The following IPPK variants were observed in gnomAD, a reference collection of about 807,000 sequenced individuals.
The protein encoded by IPPK is IPK1 homolog.
Under a neutral mutation model 64.6 loss-of-function variants are expected in IPPK, and 22 were observed. The ratio of observed to expected loss-of-function variants is 0.34; its 90% confidence interval spans 0.24 to 0.49. IPPK has a LOEUF of 0.49. Among genes scored for constraint, IPPK ranks in the 20% least tolerant of loss-of-function variants. IPPK has a pLI of 0.99. For synonymous variants in IPPK, 262 were observed against 247.2 expected (o/e 1.06, Z -0.56); for missense variants, 532 against 630.7 (o/e 0.84, Z 1.68).
intron 4 of IPPK, 125 bp from the exon 5 acceptor site, chr9:92,649,699 A>G (rs980916842): frequency 3.1e-5 from 35 of 1,136,524 alleles, no homozygotes; most frequent in African/African-American, 4.6e-5. Context: ...TGAAAACCTC[A>G]TGTCTCCCTG....
At chr9:92,651,903 T>C (rs1564038130) in intron 4 of IPPK, among the ~76,000 whole-genome samples, 1 of 151,952 alleles carries the variant, frequency 6.6e-6, no homozygotes, top group Non-Finnish European at 1.5e-5. Flanking sequence ...TATATATATT[T>C]TGTTTGTTTG....
intron 7 of IPPK, among the ~76,000 whole-genome samples, chr9:92,641,567 C>G (rs903491937): frequency 2.0e-5 from 3 of 152,248 alleles, no homozygotes; most frequent in Non-Finnish European, 4.4e-5. Flanking sequence ...ACATGGGACC[C>G]ACAGGTGAGG....
At chr9:92,632,656 C>T (rs1587625829) in intron 11 of IPPK, among the ~76,000 whole-genome samples, 1 of 152,222 alleles carries the variant, frequency 6.6e-6, no homozygotes, top group Non-Finnish European at 1.5e-5. Flanking sequence ...CTTCTCACCC[C>T]AGGGCTCCAC....
intron 6 of IPPK, among the ~76,000 whole-genome samples, chr9:92,644,986 A>G (rs1852123144): frequency 6.6e-6 from 1 of 152,240 alleles, no homozygotes; most frequent in South Asian, 2.1e-4. Flanking sequence ...TATTTTAAAT[A>G]TGCTTAGAGC....
intron 3 of IPPK, among the ~76,000 whole-genome samples, chr9:92,655,768 C>G (rs1386935606): frequency 6.6e-6 from 1 of 152,322 alleles, no homozygotes; most frequent in Admixed American, 6.5e-5. Context: ...ATCTTCCTAA[C>G]AGGGGAACTG....
At chr9:92,648,213 T>C (rs1393987010) in intron 5 of IPPK, 65 bp from the exon 6 acceptor site, 1 of 1,155,178 alleles carries the variant, frequency 8.7e-7, no homozygotes, top group African/African-American at 1.5e-5. Context: ...TAAATAGACA[T>C]ATCACTGACT....
chr9:92,669,457 A>G (rs991880068), intron 1 of IPPK, among the ~76,000 whole-genome samples: 2 of 152,222 alleles, frequency 1.3e-5, no homozygotes, highest in African/African-American at 4.8e-5. Context: ...TGAGAGTAAC[A>G]GCACTGTGGG....
In IPPK at chr9:92,642,901, G is replaced by A; in HGVS notation, c.505-91C>T. The A allele has an allele frequency of 2.9e-6, 3 of 1,019,154 alleles. No homozygotes were observed. The East Asian group carries it at 7.1e-5, about 24-fold the overall frequency. 63.1% of individuals were successfully genotyped at this position (1,019,154 alleles called of 1,614,324 possible). On this transcript the variant is annotated intron_variant, in intron 6 of 12. Transcript: ENST00000287996. ...CACACAGAACAGCATCAGTGATGAA[G>A]ACAATGAAGACGAGCTGCAGCCTTG...
chr9:92,629,274 C>G (rs1459192162), intron 11 of IPPK, among the ~76,000 whole-genome samples: 1 of 152,074 alleles, frequency 6.6e-6, no homozygotes. Flanking sequence ...AAAGTATGAA[C>G]AACCTAAGAA....
At position 92,642,583 on chromosome 9, in the gene IPPK, C is replaced by G. The variant is rs536226478; in HGVS notation, c.563+169G>C. On this transcript the variant is annotated intron_variant, in intron 7 of 12. Coordinates refer to ENST00000287996, the MANE Select transcript of IPPK (RefSeq NM_022755.6). ...GAGCACAGAGACAAGGCACGGAGCA[C>G]AAAGCCCCAGGTGTCTACAGCGCTG... Among the ~76,000 whole-genome samples, 223 of 152,344 alleles carry G rather than the reference C, an allele frequency of 1.5e-3. 8 individuals carry two copies. In the South Asian group the frequency reaches 0.045, roughly 31 times the overall value.
intron 4 of IPPK, among the ~76,000 whole-genome samples, chr9:92,650,557 C>A (rs1186469842): frequency 1.3e-5 from 2 of 152,076 alleles, no homozygotes; most frequent in African/African-American, 2.4e-5. Flanking sequence ...CCCACACCAC[C>A]CCTGAGGAGA....
intron 4 of IPPK, among the ~76,000 whole-genome samples, chr9:92,650,621 C>T (rs1202941713): frequency 6.6e-6 from 1 of 152,190 alleles, no homozygotes; most frequent in Non-Finnish European, 1.5e-5. Context: ...GCACCTCTCC[C>T]CTTGGCTGGT....
intron 6 of IPPK, among the ~76,000 whole-genome samples, chr9:92,644,777 T>C (rs1227455186): frequency 2.0e-5 from 3 of 151,940 alleles, no homozygotes; most frequent in Non-Finnish European, 2.9e-5. Flanking sequence ...GAAGCAGCAA[T>C]AAAAAATCCT....
At chr9:92,664,787 G>A (rs1235090225) in intron 1 of IPPK, among the ~76,000 whole-genome samples, 1 of 152,216 alleles carries the variant, frequency 6.6e-6, no homozygotes, top group African/African-American at 2.4e-5. Flanking sequence ...TGCAGACACA[G>A]TAATGATGCT....
intron 8 of IPPK, among the ~76,000 whole-genome samples, chr9:92,639,675 A>T (rs72756414): frequency 0.04 from 6,040 of 152,330 alleles, 185 homozygotes; most frequent in South Asian, 0.11. Context: ...ACAGGCTTCA[A>T]ACAAATCCCT....
intron 1 of IPPK, among the ~76,000 whole-genome samples, chr9:92,664,766 G>C (rs924823604): frequency 1.4e-4 from 21 of 152,226 alleles, no homozygotes; most frequent in African/African-American, 4.8e-4. Context: ...CCTAGGCACA[G>C]CCTTGCTCTC....
At chr9:92,621,270 A>G (rs1019614090) in intron 11 of IPPK, among the ~76,000 whole-genome samples, 3 of 152,208 alleles carry the variant, frequency 2.0e-5, no homozygotes, top group Non-Finnish European at 4.4e-5. Flanking sequence ...GAGAAATCAA[A>G]TATCAGACAT....
At chr9:92,629,291 A>C (rs1851790311) in intron 11 of IPPK, among the ~76,000 whole-genome samples, 1 of 152,194 alleles carries the variant, frequency 6.6e-6, no homozygotes, top group Admixed American at 6.5e-5. Context: ...AGAAAAACTA[A>C]ACTGTACTTC....
chr9:92,638,258 C>G lies in IPPK; in HGVS notation c.659G>C (p.Cys220Ser). Residue 220 changes from cysteine to serine, a missense_variant, in exon 9 of 13, where the codon TGC becomes TCC. Physicochemically the swap from Cys to Ser is moderately radical, Grantham distance 112 (BLOSUM62 -1). Coordinates refer to ENST00000287996, the MANE Select transcript of IPPK (RefSeq NM_022755.6). ...AGCCACGGGGCTCCGGGCATCTTTG[C>G]AGCCGTAAATCAGCTCACCATTCTT... is the stretch of plus-strand genomic sequence containing the variant. ...IFKNGELIYG[C>S]KDARSPVADW... The G allele has an allele frequency of 6.2e-7, 1 of 1,613,926 alleles. No homozygotes were observed. Among genetic ancestry groups the G allele is most frequent in the Non-Finnish European group, 8.5e-7 (1 of 1,179,840 alleles).
Sources: gnomAD v4.1 joint callset for allele counts (sites outside exome capture counted in the v4.1 genomes callset) on GRCh38, gnomAD v4.1.1 for gene constraint, MANE v1.5 for transcripts, NCBI Gene and HGNC (gene_info 2026-07-23, HGNC 2026-07-21) for gene names.